Variants in KCNK10 observed in about 807,000 individuals in gnomAD.
KCNK10 encodes potassium channel subfamily K member 10.
KCNK10 carries 25 observed loss-of-function variants against 47.7 expected under a neutral mutation model. The observed-to-expected ratio is 0.52, with a 90% CI of 0.38 to 0.73. The LOEUF (loss-of-function observed/expected upper bound fraction) is 0.73, where lower values mean the gene tolerates loss of function less well. Among genes scored for constraint, KCNK10 ranks in the 30% least tolerant of loss-of-function variants. The pLI is 0.00. For synonymous variants in KCNK10, 303 were observed against 285.6 expected (o/e 1.06, Z -0.61); for missense variants, 563 against 714.5 (o/e 0.79, Z 2.42).
At chr14:88,243,141 T>C (rs1187904672) in intron 2 of KCNK10, among the ~76,000 whole-genome samples, 1 of 152,256 alleles carries the variant, frequency 6.6e-6, no homozygotes, top group Non-Finnish European at 1.5e-5. Context: ...TATTTAATGT[T>C]TACCTATGTA....
In KCNK10 at chr14:88,186,498, A is replaced by G. The variant is rs1884566307; in HGVS notation, c.1012-343T>C. On this transcript the variant is annotated intron_variant, in intron 6 of 6. Coordinates refer to ENST00000319231, the MANE Select transcript of KCNK10 (RefSeq NM_138317.3). This position sits in a 1 kb window ranked among gnomAD's most constrained non-coding sequence, Gnocchi z 5.5. ...CCTGGCTTCCAGCTCTCTCTTATCA[A>G]TTGCATGGCCTCATTCCCCCAACAT... 6.6e-6 allele frequency among the ~76,000 whole-genome samples: 1 copy of G among 152,068 alleles called. No homozygotes were observed. The highest frequency in any genetic ancestry group is 1.5e-5 in the Non-Finnish European group (1 of 67,998).
chr14:88,270,642 G>C (rs534642398), intron 1 of KCNK10: 1 of 771,140 alleles, frequency 1.3e-6, no homozygotes, highest in East Asian at 2.4e-5. Flanking sequence ...GGAAAACAAG[G>C]CAGACTGGGG....
At chr14:88,233,640 A>T (rs978096621) in intron 3 of KCNK10, among the ~76,000 whole-genome samples, 5 of 152,220 alleles carry the variant, frequency 3.3e-5, no homozygotes, top group African/African-American at 1.2e-4. Context: ...GTGTAAGCAC[A>T]CACACAAAAA....
In KCNK10 at chr14:88,284,627, T is replaced by C. The variant is rs545875494; in HGVS notation, c.53-21076A>G. On this transcript the variant is annotated intron_variant, in intron 1 of 6. Coordinates refer to ENST00000319231, the MANE Select transcript of KCNK10 (RefSeq NM_138317.3). ...GGAAGCATCCAGCACGGGAGAAAGA[T>C]GAAAGCTGGAAGACTCAGCGAGTCT... 5.9e-5 allele frequency among the ~76,000 whole-genome samples: 9 copies of C among 152,312 alleles called. No individual in the cohort carries two copies. The South Asian group carries it at 1.9e-3, about 32-fold the overall frequency.
rs538601406 is a variant in KCNK10, at chr14:88,228,320, G to A, written c.521-785C>T. On this transcript the variant is annotated intron_variant, in intron 3 of 6. Coordinates refer to ENST00000319231, the MANE Select transcript of KCNK10 (RefSeq NM_138317.3). The stretch of plus-strand genomic sequence containing the variant: ...TTCAAATAGTGCTTTGAAAATACCC[G>A]CAGCAATCTTAAGAGTACTGCCATT... Among the ~76,000 whole-genome samples, 10 of 133,210 alleles carry A rather than the reference G, an allele frequency of 7.5e-5. No homozygotes were observed. In the Middle Eastern group the frequency reaches 0.011, roughly 149 times the overall value. The allele number at this position is 133,210 out of a possible 152,430, so 87.4% of individuals were successfully genotyped here.
intron 2 of KCNK10, among the ~76,000 whole-genome samples, chr14:88,254,684 G>A (rs1483773627): frequency 6.6e-6 from 1 of 152,122 alleles, no homozygotes; most frequent in East Asian, 1.9e-4. Context: ...CAATTGCACT[G>A]GGAACAGGGA....
chr14:88,186,195 G>A lies in KCNK10; in HGVS notation c.1012-40C>T. Reference sequence around the variant, plus strand: ...GAAGAGCAACAATATGCTGACAAATGCCTCCCTGCCTTGGCCTCCCAGCAC... The same window carrying A: ...GAAGAGCAACAATATGCTGACAAATACCTCCCTGCCTTGGCCTCCCAGCAC... On this transcript the variant is annotated intron_variant, in intron 6 of 6. Transcript: ENST00000319231. This position sits in a 1 kb window ranked among gnomAD's most constrained non-coding sequence, Gnocchi z 5.5. The A allele has an allele frequency of 1.3e-6, 2 of 1,530,532 alleles. No homozygotes were observed. The highest frequency in any genetic ancestry group is 1.8e-6 in the Non-Finnish European group (2 of 1,137,824). 94.8% of individuals were successfully genotyped at this position (1,530,532 alleles called of 1,614,324 possible). A position where few individuals can be genotyped will look rare whatever the true frequency, so the allele number is the denominator to read the frequency against.
rs1888587393 is a variant in KCNK10 at position 88,323,201 on chromosome 14, C to A, written c.-403G>T. On this transcript the variant is annotated 5_prime_UTR_variant, in exon 1 of 7. Transcript: ENST00000319231. ...GAAGCCCACTGCAGTGTCACTCCAG[C>A]CCCCGAAGGCGTGTGCGCACACACT... The A allele has an allele frequency of 2.9e-6, 3 of 1,042,570 alleles. No individual in the cohort carries two copies. Among genetic ancestry groups the A allele is most frequent in the East Asian group, 8.4e-5 (1 of 11,958 alleles). 64.6% of individuals were successfully genotyped at this position (1,042,570 alleles called of 1,614,324 possible). A position where few individuals can be genotyped will look rare whatever the true frequency, so the allele number is the denominator to read the frequency against.
chr14:88,316,175 G>A (rs1888427476), intron 1 of KCNK10, among the ~76,000 whole-genome samples: 1 of 152,004 alleles, frequency 6.6e-6, no homozygotes. Flanking sequence ...AATGGCAAAG[G>A]AAAAGAATGC....
intron 1 of KCNK10, among the ~76,000 whole-genome samples, chr14:88,301,911 T>C (rs558651733): frequency 6.6e-5 from 10 of 152,274 alleles, no homozygotes; most frequent in East Asian, 1.9e-4. Context: ...TAAAAGATCA[T>C]TGTGGCTGTT....
intron 1 of KCNK10, among the ~76,000 whole-genome samples, chr14:88,284,120 A>T (rs2139775184): frequency 6.6e-6 from 1 of 152,264 alleles, no homozygotes; most frequent in South Asian, 2.1e-4. Context: ...GCTTCTTCTC[A>T]ACCCCTGCAG....
chr14:88,324,346 T>C (rs539366607), upstream of KCNK10, among the ~76,000 whole-genome samples: 2 of 152,216 alleles, frequency 1.3e-5, no homozygotes, highest in Non-Finnish European at 2.9e-5. Flanking sequence ...AGTATCAACA[T>C]GAATGATGCT....
chr14:88,230,212 T>C (rs1277783393), intron 3 of KCNK10, among the ~76,000 whole-genome samples: 4 of 152,156 alleles, frequency 2.6e-5, no homozygotes, highest in Non-Finnish European at 4.4e-5. Flanking sequence ...TTCTGAGCAA[T>C]ATGTCTCCAG....
Position 88,182,036 on chromosome 14 carries a change from G to GCACACACA in KCNK10, c.*3491_*3498dup, listed in dbSNP as rs372506756. 5.1e-5 allele frequency: 7 copies of GCACACACA among 137,150 alleles called. No homozygotes were observed. The highest frequency in any genetic ancestry group is 1.9e-4 in the African/African-American group (7 of 36,836). 8.5% of individuals were successfully genotyped at this position (137,150 alleles called of 1,614,324 possible). On this transcript the variant is annotated 3_prime_UTR_variant, in exon 7 of 7. Transcript: ENST00000319231. ...AGATGGCCCAACACCACCCCAACCC[G>GCACACACA]CACACACACACACACACACACACAC...
At position 88,322,089 on chromosome 14, in the gene KCNK10, C is replaced by T. The variant is rs1337457410; in HGVS notation, c.52+658G>A. Among the ~76,000 whole-genome samples the T allele has an allele frequency of 1.3e-5, 2 of 152,180 alleles. No homozygotes were observed. The highest frequency in any genetic ancestry group is 4.8e-5 in the African/African-American group (2 of 41,432). ...CACCATTGCTTGGGCGGGCACACTT[C>T]GTGCCCCTCCCCTATGCCTTGCCAG... On this transcript the variant is annotated intron_variant, in intron 1 of 6. Coordinates refer to ENST00000319231, the MANE Select transcript of KCNK10 (RefSeq NM_138317.3). The surrounding 1 kb of genome is among the most constrained non-coding windows in gnomAD (Gnocchi z 4.8).
At chr14:88,285,375 G>A (rs1218835392) in intron 1 of KCNK10, among the ~76,000 whole-genome samples, 2 of 152,214 alleles carry the variant, frequency 1.3e-5, no homozygotes, top group South Asian at 2.1e-4. Context: ...GCCTCCCAAA[G>A]TGCTGGGATT....
intron 1 of KCNK10, among the ~76,000 whole-genome samples, chr14:88,316,509 C>T (rs1159396160): frequency 6.6e-6 from 1 of 152,186 alleles, no homozygotes; most frequent in Admixed American, 6.5e-5. Flanking sequence ...CTCCATGATT[C>T]TTATGGAGAG....
At chr14:88,211,755 G>A (rs991335255) in intron 4 of KCNK10, among the ~76,000 whole-genome samples, 1 of 151,996 alleles carries the variant, frequency 6.6e-6, no homozygotes, top group Non-Finnish European at 1.5e-5. Flanking sequence ...AATTAGCCAG[G>A]CGCAGTGGCA....
chr14:88,192,405 C>G lies in KCNK10; in HGVS notation c.687G>C (p.Lys229Asn), dbSNP rs769909182. The G allele has an allele frequency of 6.2e-7, 1 of 1,613,450 alleles. No homozygotes were observed. Among genetic ancestry groups the G allele is most frequent in the East Asian group, 2.2e-5 (1 of 44,838 alleles). ...CCCGGATCTTGGTCTGACTCACTTG[C>G]TTTTTCTAGGAAGAGCAAAGGAGAA... ...IARVEKVFRK[K>N]QVSQTKIRVI... Residue 229 changes from lysine (K) to asparagine (N), a missense_variant, in exon 5 of 7, where the codon AAG becomes AAC. Physicochemically the swap from Lys to Asn is moderately conservative, Grantham distance 94. Coordinates refer to ENST00000319231, the MANE Select transcript of KCNK10 (RefSeq NM_138317.3).
Sources: allele counts gnomAD v4.1 joint callset (sites outside exome capture counted in the v4.1 genomes callset), GRCh38; gene constraint gnomAD v4.1.1; non-coding constraint Gnocchi (gnomAD v3.1); transcripts MANE v1.5; gene names NCBI Gene and HGNC (gene_info 2026-07-23, HGNC 2026-07-21).